Variants in MTHFSD observed in about 807,000 individuals in gnomAD.
MTHFSD encodes methenyltetrahydrofolate synthetase domain containing, also known as methenyltetrahydrofolate synthase domain-containing protein.
A neutral mutation model predicts 31.1 loss-of-function variants in MTHFSD; 37 were observed. That is an observed-to-expected ratio of 1.19 (90% CI 0.91 to 1.56). The LOEUF (loss-of-function observed/expected upper bound fraction) is 1.56, where lower values mean the gene tolerates loss of function less well. Ranked by LOEUF, MTHFSD falls within the 40% of genes most tolerant of loss-of-function variation. MTHFSD has a pLI of 0.00. For synonymous variants in MTHFSD, 221 were observed against 206.9 expected, an observed-to-expected ratio of 1.07 and a Z score of -0.59; for missense variants, 664 against 510.1, an observed-to-expected ratio of 1.30 and a Z score of -2.91.
chr16:86,533,472 G>C (rs1266156169), intron 7 of MTHFSD: 2 of 152,200 alleles, frequency 1.3e-5, no homozygotes, highest in Non-Finnish European at 2.9e-5. Context: ...TGGTCATCAA[G>C]AGGCAAGCCA....
At chr16:86,537,933 G>A (rs566398441) in intron 7 of MTHFSD, among the ~76,000 whole-genome samples, 1 of 152,368 alleles carries the variant, frequency 6.6e-6, no homozygotes, top group South Asian at 2.1e-4. Context: ...GGTCTATGGT[G>A]TCCTCGCCAA....
chr16:86,546,049 C>T (rs977887883), intron 5 of MTHFSD, among the ~76,000 whole-genome samples: 42 of 152,234 alleles, frequency 2.8e-4, no homozygotes, highest in African/African-American at 9.9e-4. Context: ...GCCTCACATG[C>T]AGCGTGGCAA....
rs973064968 is a variant in MTHFSD, at chr16:86,555,227, G to T, written c.-43C>A. 1.3e-6 allele frequency: 2 copies of T among 1,535,450 alleles called. No individual in the cohort carries two copies. Among genetic ancestry groups the T allele is most frequent in the South Asian group, 1.2e-5 (1 of 83,996 alleles). ...GCGACGCTTCCCGGCGCAGGTTCTG[G>T]CGCGTAGTGACGTCACCCGCTCCGC... On this transcript the variant is annotated 5_prime_UTR_variant, in exon 1 of 8. Coordinates refer to ENST00000360900, the MANE Select transcript of MTHFSD (RefSeq NM_001159377.2).
Position 86,554,625 on chromosome 16 carries a change from C to A in MTHFSD, c.123+20G>T. The A allele has an allele frequency of 6.4e-7, 1 of 1,567,892 alleles. No homozygotes were observed. Among genetic ancestry groups the A allele is most frequent in the Non-Finnish European group, 8.8e-7 (1 of 1,142,844 alleles). ...GAATATTTTGTTTTCCTTTTCTGGA[C>A]TCCAGAAATATGTCAGTACCTTAAA... On this transcript the variant is annotated intron_variant, in intron 2 of 7. Coordinates refer to ENST00000360900, the MANE Select transcript of MTHFSD (RefSeq NM_001159377.2).
In MTHFSD at chr16:86,531,278, G is replaced by C. The variant is rs1018657248; in HGVS notation, c.*733C>G. On this transcript the variant is annotated 3_prime_UTR_variant, in exon 8 of 8. Coordinates refer to ENST00000360900, the MANE Select transcript of MTHFSD (RefSeq NM_001159377.2). The surrounding 1 kb of genome is among the most constrained non-coding windows in gnomAD (Gnocchi z 5.5). Reference sequence around the variant, plus strand: ...AAAACCCAGAAAACATAAGGCACTGGGCAAATGTGACGTAGGCTGGGATGA... The same window carrying C: ...AAAACCCAGAAAACATAAGGCACTGCGCAAATGTGACGTAGGCTGGGATGA... 28 of 152,352 alleles carry C rather than the reference G, an allele frequency of 1.8e-4. No individual in the cohort carries two copies. Among genetic ancestry groups the C allele is most frequent in the African/African-American group, 6.3e-4 (26 of 41,592 alleles). 9.4% of individuals were successfully genotyped at this position (152,352 alleles called of 1,614,324 possible). A position where few individuals can be genotyped will look rare whatever the true frequency, so the allele number is the denominator to read the frequency against.
chr16:86,535,598 A>G, intron 7 of MTHFSD: 1 of 689,342 alleles, frequency 1.5e-6, no homozygotes, highest in African/African-American at 2.3e-5. Context: ...TCTATTCTAA[A>G]AAAAAAAAAT....
intron 7 of MTHFSD, chr16:86,540,923 C>T: frequency 8.8e-7 from 1 of 1,134,086 alleles, no homozygotes; most frequent in Non-Finnish European, 1.1e-6. Flanking sequence ...TGGGCTGTGG[C>T]AAAAGCAGCA....
chr16:86,552,257 C>T, intron 2 of MTHFSD, 111 bp from the exon 3 acceptor site: 1 of 1,606,118 alleles, frequency 6.2e-7, no homozygotes, highest in Middle Eastern at 1.7e-4. Context: ...TGAACGCCTG[C>T]AAGCGTGGGA....
rs1970113293 is a variant in MTHFSD at position 86,532,540 on chromosome 16, A to G, written c.682-59T>C. On this transcript the variant is annotated intron_variant, in intron 7 of 7. Coordinates refer to ENST00000360900, the MANE Select transcript of MTHFSD (RefSeq NM_001159377.2). ...ACAGAATCGCAGGGGCACCTGCCAC[A>G]CACGCATCCACACCTCTGACTACTG... 2.4e-6 allele frequency: 3 copies of G among 1,266,350 alleles called. No individual in the cohort carries two copies. The East Asian group carries it at 8.5e-5, about 36-fold the overall frequency. 78.4% of individuals were successfully genotyped at this position (1,266,350 alleles called of 1,614,324 possible).
rs1251062988 is a variant in MTHFSD, at chr16:86,555,094, C to T, written c.16+75G>A. ...CCCATCCTCTGCCAGCCCCGGTGGC[C>T]CCGCCTCGACCCTCACCGGTCCCGG... On this transcript the variant is annotated intron_variant, in intron 1 of 7. Coordinates refer to ENST00000360900, the MANE Select transcript of MTHFSD (RefSeq NM_001159377.2). 2.0e-5 allele frequency: 31 copies of T among 1,516,666 alleles called. 1 individual carries two copies. The South Asian group carries it at 3.3e-4, about 16-fold the overall frequency. The allele number at this position is 1,516,666 out of a possible 1,614,324, so 94.0% of individuals were successfully genotyped here.
At chr16:86,538,100 G>A (rs139693835) in intron 7 of MTHFSD, among the ~76,000 whole-genome samples, 1 of 152,348 alleles carries the variant, frequency 6.6e-6, no homozygotes, top group Non-Finnish European at 1.5e-5. Context: ...TGCCCGAGTG[G>A]CTTCTCCTGA....
At chr16:86,544,744 G>A (rs1972028470) in intron 5 of MTHFSD, among the ~76,000 whole-genome samples, 1 of 152,192 alleles carries the variant, frequency 6.6e-6, no homozygotes, top group African/African-American at 2.4e-5. Flanking sequence ...CTACTCTAAA[G>A]ACACGTGCAC....
chr16:86,531,937 G>T lies in MTHFSD; in HGVS notation c.*74C>A, dbSNP rs1012938706. On this transcript the variant is annotated 3_prime_UTR_variant, in exon 8 of 8. Transcript: ENST00000360900. This position sits in a 1 kb window ranked among gnomAD's most constrained non-coding sequence, Gnocchi z 5.5. The stretch of plus-strand genomic sequence containing the variant: ...ACACGTCTTGCCACGCAGGCCTCTC[G>T]AGTGCCATCGGAACCGGAGCGGCAG... The T allele has an allele frequency of 2.8e-6, 3 of 1,072,680 alleles. No individual in the cohort carries two copies. Among genetic ancestry groups the T allele is most frequent in the Non-Finnish European group, 3.8e-6 (3 of 795,556 alleles). The allele number at this position is 1,072,680 out of a possible 1,614,324, so 66.4% of individuals were successfully genotyped here.
At chr16:86,548,137 A>G (rs1258077408) in intron 4 of MTHFSD, 3 of 1,302,496 alleles carry the variant, frequency 2.3e-6, no homozygotes, top group Non-Finnish European at 3.0e-6. Context: ...GGAATAAGAA[A>G]AAGCTCCACA....
At position 86,531,980 on chromosome 16, in the gene MTHFSD, T is replaced by G; in HGVS notation, c.*31A>C. 2.2e-6 allele frequency: 3 copies of G among 1,374,816 alleles called. No individual in the cohort carries two copies. Among genetic ancestry groups the G allele is most frequent in the Non-Finnish European group, 2.8e-6 (3 of 1,056,518 alleles). The allele number at this position is 1,374,816 out of a possible 1,614,324, so 85.2% of individuals were successfully genotyped here. A position where few individuals can be genotyped will look rare whatever the true frequency, so the allele number is the denominator to read the frequency against. ...AGCGGCAGGGGACGGGGATGGCGAG[T>G]CTGCAGTGAGCTCCGTGGCTGTCCA... On this transcript the variant is annotated 3_prime_UTR_variant, in exon 8 of 8. Transcript: ENST00000360900. The surrounding 1 kb of genome is among the most constrained non-coding windows in gnomAD (Gnocchi z 5.5).
chr16:86,542,284 G>T lies in MTHFSD; in HGVS notation c.443-71C>A, dbSNP rs897280470. ...CGCTGAGAAGTGGATTTTCCATCAG[G>T]TCCAGTGGAAGAAGAAACTTGAACC... On this transcript the variant is annotated intron_variant, in intron 5 of 7. Coordinates refer to ENST00000360900, the MANE Select transcript of MTHFSD (RefSeq NM_001159377.2). This position sits in a 1 kb window ranked among gnomAD's most constrained non-coding sequence, Gnocchi z 4.6. 3.8e-6 allele frequency: 5 copies of T among 1,310,618 alleles called. No homozygotes were observed. The highest frequency in any genetic ancestry group is 4.7e-5 in the East Asian group (2 of 42,156). 81.2% of individuals were successfully genotyped at this position (1,310,618 alleles called of 1,614,324 possible).
chr16:86,550,523 C>T (rs527860377), intron 3 of MTHFSD, among the ~76,000 whole-genome samples: 2 of 152,310 alleles, frequency 1.3e-5, no homozygotes, highest in South Asian at 2.1e-4. Flanking sequence ...GAGTCAGAAT[C>T]CTGGCTGTAC....
chr16:86,540,965 T>C, intron 7 of MTHFSD: 1 of 1,170,234 alleles, frequency 8.5e-7, no homozygotes, highest in Non-Finnish European at 1.1e-6. Context: ...GAGGTGATGT[T>C]GTTAATTTTC....
chr16:86,552,384 C>G, intron 2 of MTHFSD: 1 of 1,039,286 alleles, frequency 9.6e-7, no homozygotes, highest in African/African-American at 1.6e-5. Context: ...CTCACCCAGA[C>G]AGGCACTAAC....
Sources: allele counts gnomAD v4.1 joint callset (sites outside exome capture counted in the v4.1 genomes callset), GRCh38; gene constraint gnomAD v4.1.1; non-coding constraint Gnocchi (gnomAD v3.1); transcripts MANE v1.5; gene names NCBI Gene and HGNC (gene_info 2026-07-23, HGNC 2026-07-21).